Variants in CCDC172 observed in about 807,000 individuals in gnomAD.
CCDC172 encodes coiled-coil domain containing 172.
Under a neutral mutation model 38.0 loss-of-function variants are expected in CCDC172, and 30 were observed. The observed-to-expected ratio is 0.79, with a 90% CI of 0.59 to 1.07. The LOEUF (loss-of-function observed/expected upper bound fraction) is 1.07. CCDC172 is among the 50% of genes least tolerant of loss of function. The probability of loss-of-function intolerance (pLI) is 0.00; values close to 1 mark genes in which losing one functional copy is unlikely to be tolerated. For synonymous variants in CCDC172, 78 were observed against 88.3 expected, an observed-to-expected ratio of 0.88 and a Z score of 0.66; for missense variants, 297 against 290.1, an observed-to-expected ratio of 1.02 and a Z score of -0.17.
At chr10:116,374,156 TG>T (rs1845217955) in intron 7 of CCDC172, among the ~76,000 whole-genome samples, 1 of 152,162 alleles carries the variant, frequency 6.6e-6, no homozygotes, top group Non-Finnish European at 1.5e-5. Flanking sequence ...TCATATCGAC[TG>T]TTATGCTATC....
chr10:116,378,455 A>T lies in CCDC172; in HGVS notation c.686A>T (p.Asp229Val), dbSNP rs200106365. ...LKKELELYKE[D>V]DMESVYEALQ... ...AAAGAATTAGAACTTTATAAGGAAG[A>T]TGACATGGAAAGTGTTTATGAAGCT... The change falls in exon 8 of 9, where the codon GAT becomes GTT. Residue 229 changes from aspartate (D) to valine (V), a missense_variant. Physicochemically the swap from Asp to Val is radical, Grantham distance 152. Transcript: ENST00000333254. 481 of 1,602,562 alleles carry T rather than the reference A, an allele frequency of 3.0e-4. No homozygotes were observed. The highest frequency in any genetic ancestry group is 3.5e-4 in the Non-Finnish European group (412 of 1,176,026).
intron 3 of CCDC172, among the ~76,000 whole-genome samples, chr10:116,327,837 TG>T (rs1213910691): frequency 6.6e-6 from 1 of 152,114 alleles, no homozygotes; most frequent in Non-Finnish European, 1.5e-5. Flanking sequence ...ATATGACTAA[TG>T]GGAAGAACTG....
At chr10:116,368,488 G>A (rs768533090) in intron 7 of CCDC172, among the ~76,000 whole-genome samples, 26 of 151,686 alleles carry the variant, frequency 1.7e-4, no homozygotes, top group Admixed American at 1.4e-3. Context: ...AAAGTTACAT[G>A]GGTCATAATC....
At chr10:116,348,148 A>G (rs2134934412) in intron 5 of CCDC172, among the ~76,000 whole-genome samples, 1 of 151,942 alleles carries the variant, frequency 6.6e-6, no homozygotes, top group South Asian at 2.1e-4. Flanking sequence ...AGGGTTCAAA[A>G]GAATTAACCT....
At chr10:116,344,602 T>C (rs889806026) in intron 5 of CCDC172, among the ~76,000 whole-genome samples, 2 of 152,106 alleles carry the variant, frequency 1.3e-5, no homozygotes, top group African/African-American at 2.4e-5. Context: ...CCTAGAACAT[T>C]ACTGTATGCT....
chr10:116,336,550 A>G (rs2134913933), intron 3 of CCDC172, among the ~76,000 whole-genome samples: 1 of 152,162 alleles, frequency 6.6e-6, no homozygotes, highest in Admixed American at 6.5e-5. Context: ...AAACCTTAAT[A>G]TCTGCTATCA....
chr10:116,342,249 T>A, intron 5 of CCDC172, 48 bp downstream of exon 5: 8 of 1,470,050 alleles, frequency 5.4e-6, no homozygotes, highest in Non-Finnish European at 7.2e-6. Flanking sequence ...GAAAATAACT[T>A]ATTTTGAATG....
intron 3 of CCDC172, among the ~76,000 whole-genome samples, chr10:116,336,023 C>T (rs1240374523): frequency 6.6e-6 from 1 of 151,876 alleles, no homozygotes; most frequent in Non-Finnish European, 1.5e-5. Flanking sequence ...AAAAATTAGC[C>T]AGGCATGATG....
chr10:116,352,434 A>C (rs1257478633), intron 5 of CCDC172, among the ~76,000 whole-genome samples: 1 of 152,212 alleles, frequency 6.6e-6, no homozygotes, highest in East Asian at 1.9e-4. Flanking sequence ...TAGATGATGC[A>C]ATTAGAAGGA....
chr10:116,341,501 T>C (rs1738839285), intron 4 of CCDC172, among the ~76,000 whole-genome samples: 1 of 152,044 alleles, frequency 6.6e-6, no homozygotes, highest in Non-Finnish European at 1.5e-5. Context: ...AAATTCTTAT[T>C]TCTCTGCCAT....
intron 3 of CCDC172, among the ~76,000 whole-genome samples, chr10:116,332,817 C>T (rs1417488605): frequency 2.0e-5 from 3 of 151,736 alleles, no homozygotes; most frequent in Admixed American, 2.0e-4. Context: ...TTCAATACAC[C>T]CATTTCTTAT....
intron 3 of CCDC172, among the ~76,000 whole-genome samples, chr10:116,334,484 T>C (rs1181849984): frequency 6.6e-6 from 1 of 152,198 alleles, no homozygotes; most frequent in Non-Finnish European, 1.5e-5. Flanking sequence ...AATGGATTTA[T>C]ATTTTTCTTA....
intron 5 of CCDC172, among the ~76,000 whole-genome samples, chr10:116,342,991 C>A (rs1043997269): frequency 1.3e-5 from 2 of 151,920 alleles, no homozygotes; most frequent in Non-Finnish European, 2.9e-5. Flanking sequence ...AATAAATTAC[C>A]CAGTCTCGGG....
rs964725710 is a variant in CCDC172 at position 116,379,994 on chromosome 10, C to T, written c.*636C>T. 3 of 152,188 alleles carry T rather than the reference C, an allele frequency of 2.0e-5. No individual in the cohort carries two copies. The highest frequency in any genetic ancestry group is 7.2e-5 in the African/African-American group (3 of 41,434). 9.4% of individuals were successfully genotyped at this position (152,188 alleles called of 1,614,324 possible). On this transcript the variant is annotated 3_prime_UTR_variant, in exon 9 of 9. Coordinates refer to ENST00000333254, the MANE Select transcript of CCDC172 (RefSeq NM_198515.3). ...TATGCTTCCTGTACAGCCTGCAGAACCGTGGGACAATTAAACTTGTGTTCT... is the reference window on the plus strand; with the variant it reads ...TATGCTTCCTGTACAGCCTGCAGAATCGTGGGACAATTAAACTTGTGTTCT...
At chr10:116,341,986 A>T in intron 4 of CCDC172, 50 bp from the exon 5 acceptor site, 1 of 1,218,882 alleles carries the variant, frequency 8.2e-7, no homozygotes, top group Non-Finnish European at 1.1e-6. Flanking sequence ...TTAAGGAAAA[A>T]TATTATTGCA....
intron 5 of CCDC172, among the ~76,000 whole-genome samples, chr10:116,348,249 TC>T (rs1203801144): frequency 2.0e-5 from 3 of 152,146 alleles, no homozygotes; most frequent in African/African-American, 7.2e-5. Flanking sequence ...GCTGTTGACT[TC>T]CCAGAGCAGT....
At chr10:116,348,990 A>G (rs990535165) in intron 5 of CCDC172, among the ~76,000 whole-genome samples, 1 of 151,818 alleles carries the variant, frequency 6.6e-6, no homozygotes, top group South Asian at 2.1e-4. Context: ...ATTTACAGCA[A>G]CTCCCCATCA....
chr10:116,367,461 G>A (rs1206849070), intron 7 of CCDC172, among the ~76,000 whole-genome samples: 1 of 152,062 alleles, frequency 6.6e-6, no homozygotes, highest in African/African-American at 2.4e-5. Context: ...AGGCTGACGC[G>A]GGCGGATCAC....
intron 7 of CCDC172, among the ~76,000 whole-genome samples, chr10:116,366,775 C>T (rs2134963030): frequency 6.6e-6 from 1 of 152,302 alleles, no homozygotes; most frequent in South Asian, 2.1e-4. Context: ...AGTTTATATT[C>T]TCATTAGCAC....
Sources: gnomAD v4.1 joint callset for allele counts (sites outside exome capture counted in the v4.1 genomes callset) on GRCh38, gnomAD v4.1.1 for gene constraint, MANE v1.5 for transcripts, NCBI Gene and HGNC (gene_info 2026-07-23, HGNC 2026-07-21) for gene names.